Variants in SYNE2 observed in about 807,000 individuals in gnomAD.
The protein encoded by SYNE2 is spectrin repeat containing nuclear envelope protein 2, also known as nesprin-2.
A neutral mutation model predicts 856.3 loss-of-function variants in SYNE2; 431 were observed. The ratio of observed to expected loss-of-function variants is 0.50; its 90% CI spans 0.47 to 0.55. The LOEUF (loss-of-function observed/expected upper bound fraction) is 0.55, where lower values mean the gene tolerates loss of function less well. SYNE2 is among the 20% of genes least tolerant of loss of function. The pLI is 0.00. For missense variants in SYNE2, 8,129 were observed against 8,023.2 expected (o/e 1.01, Z -0.50); for synonymous variants, 2,923 against 2,872.3 (o/e 1.02, Z -0.56).
At chr14:63,994,964 C>G in intron 22 of SYNE2, 80 bp from the exon 23 acceptor site, 1 of 923,570 alleles carries the variant, frequency 1.1e-6, no homozygotes, top group Non-Finnish European at 1.6e-6. Flanking sequence ...TGTCACTACA[C>G]ATATATTTAT....
chr14:64,105,513 C>T (rs576051941), intron 64 of SYNE2, among the ~76,000 whole-genome samples: 24 of 152,168 alleles, frequency 1.6e-4, no homozygotes, highest in African/African-American at 5.8e-4. Flanking sequence ...GGTTTTATTC[C>T]CATTTTAAAG....
At chr14:64,045,858 A>G (rs373313208) in intron 45 of SYNE2, among the ~76,000 whole-genome samples, 2 of 152,216 alleles carry the variant, frequency 1.3e-5, no homozygotes, top group African/African-American at 4.8e-5. Flanking sequence ...ATAGTTTTAC[A>G]GTTACAGAGA....
intron 1 of SYNE2, among the ~76,000 whole-genome samples, chr14:63,887,064 C>A (rs538791337): frequency 6.6e-6 from 1 of 152,124 alleles, no homozygotes; most frequent in Non-Finnish European, 1.5e-5. Flanking sequence ...GGCTAGATCA[C>A]GAGGTCAAGA....
chr14:63,847,585 ATTTT>A (rs1194475873), intron 1 of SYNE2, among the ~76,000 whole-genome samples: 1 of 137,590 alleles, frequency 7.3e-6, no homozygotes, highest in Non-Finnish European at 1.6e-5. Context: ...TATGTTCTGT[ATTTT>A]TTTTTTTTTT....
In SYNE2 at chr14:63,805,189, A is replaced by G. The variant is rs1215880675; in HGVS notation, c.-305+43203A>G. On this transcript the variant is annotated intron_variant, in intron 1 of 23. Coordinates refer to the SYNE2 transcript ENST00000674003. ...GCCTCTGGCTTTGTTCTTTTTGCTT[A>G]GAATTGCTTTGGCTATTTGTGTTCT... Among the ~76,000 whole-genome samples the G allele has an allele frequency of 5.3e-5, 8 of 152,210 alleles. No individual in the cohort carries two copies. In the East Asian group the frequency reaches 1.5e-3, roughly 29 times the overall value.
rs112368235 is a variant in SYNE2, at chr14:63,933,294, C to T, written c.80-7320C>T. On this transcript the variant is annotated intron_variant, in intron 2 of 115. Transcript: ENST00000555002. Reference sequence around the variant, plus strand: ...TACCAGGGAGGACTCCTGGAGTCAGCATTTTAAACCAACTTTTGGGAAATG... The same window carrying T: ...TACCAGGGAGGACTCCTGGAGTCAGTATTTTAAACCAACTTTTGGGAAATG... 7.9e-5 allele frequency among the ~76,000 whole-genome samples: 12 copies of T among 152,260 alleles called. 1 individual carries two copies. Among genetic ancestry groups the T allele is most frequent in the African/African-American group, 2.4e-4 (10 of 41,550 alleles).
chr14:63,829,804 G>A (rs1595153073), intron 1 of SYNE2, among the ~76,000 whole-genome samples: 1 of 151,876 alleles, frequency 6.6e-6, no homozygotes, highest in East Asian at 1.9e-4. Context: ...TTTTGGGGTA[G>A]ACGGGGGTCT....
chr14:63,980,507 C>G (rs2096577432), intron 14 of SYNE2, 147 bp from the exon 15 acceptor site: 1 of 599,436 alleles, frequency 1.7e-6, no homozygotes, highest in African/African-American at 1.9e-5. Flanking sequence ...ATCCTTCTTC[C>G]TGTTTTCCTA....
At chr14:63,933,430 C>G (rs142432692) in intron 2 of SYNE2, among the ~76,000 whole-genome samples, 381 of 152,276 alleles carry the variant, frequency 2.5e-3, no homozygotes, top group African/African-American at 8.7e-3. Flanking sequence ...TCCCTTCTGG[C>G]TAAGGATATG....
intron 78 of SYNE2, among the ~76,000 whole-genome samples, chr14:64,134,708 G>A (rs1464040336): frequency 6.6e-6 from 1 of 152,130 alleles, no homozygotes; most frequent in Admixed American, 6.5e-5. Context: ...CGGACACGAT[G>A]GCTCACACCT....
intron 1 of SYNE2, among the ~76,000 whole-genome samples, chr14:63,803,253 G>A (rs996409035): frequency 3.9e-5 from 6 of 152,346 alleles, no homozygotes; most frequent in South Asian, 2.1e-4. Flanking sequence ...CCAGTCCAGC[G>A]CGGTGCGCTC....
chr14:64,224,833 TACTTCAGGTGACGTTTAATCTC>T lies in SYNE2; in HGVS notation c.20470-164_20470-143del, dbSNP rs2098711266. 5.2e-5 allele frequency: 39 copies of T among 753,558 alleles called. No homozygotes were observed. In the South Asian group the frequency reaches 6.0e-4, roughly 12 times the overall value. The allele number at this position is 753,558 out of a possible 1,614,324, so 46.7% of individuals were successfully genotyped here. ...TGAGTAGATTAACCTAATTATTTCCTACTTCAGGTGACGTTTAATCTCAATTGTATTACTCTAGTCTCCAAAG... is the reference window on the plus strand; with the variant it reads ...TGAGTAGATTAACCTAATTATTTCCTAATTGTATTACTCTAGTCTCCAAAG... On this transcript the variant is annotated intron_variant, in intron 114 of 115. Transcript: ENST00000555002.
At chr14:63,835,983 C>A (rs375753765) in intron 1 of SYNE2, among the ~76,000 whole-genome samples, 207 of 127,954 alleles carry the variant, frequency 1.6e-3, no homozygotes, top group South Asian at 1.9e-3. Flanking sequence ...AACTCTGTCT[C>A]AAAAAAAAAA....
At position 63,995,208 on chromosome 14, in the gene SYNE2, A is replaced by T; in HGVS notation, c.2940+6A>T. ...GTCTCATCAAAGAACATGAGGTACA[A>T]TAAAGTGTTTCCACTTAAATTTTGT... is the stretch of plus-strand genomic sequence containing the variant. On this transcript the variant is annotated splice_donor_region_variant and intron_variant, in intron 23 of 115. Coordinates refer to ENST00000555002, the MANE Select transcript of SYNE2 (RefSeq NM_182914.3). 1 of 1,603,790 alleles carries T rather than the reference A, an allele frequency of 6.2e-7. No individual in the cohort carries two copies. The highest frequency in any genetic ancestry group is 1.7e-4 in the Middle Eastern group (1 of 6,016).
At chr14:64,196,520 C>CAA (rs1453249081) in intron 99 of SYNE2, among the ~76,000 whole-genome samples, 1 of 152,076 alleles carries the variant, frequency 6.6e-6, no homozygotes, top group African/African-American at 2.4e-5. Flanking sequence ...TGTTCAGGAC[C>CAA]AAAAGGGCAG....
intron 7 of SYNE2, among the ~76,000 whole-genome samples, chr14:63,952,483 C>T (rs2096177955): frequency 6.6e-6 from 1 of 152,184 alleles, no homozygotes; most frequent in African/African-American, 2.4e-5. Flanking sequence ...TACTTTTGCA[C>T]CCACCTAATG....
intron 13 of SYNE2, among the ~76,000 whole-genome samples, chr14:63,978,606 A>T (rs887178558): frequency 3.9e-5 from 6 of 152,204 alleles, no homozygotes; most frequent in Admixed American, 2.0e-4. Context: ...AGGATTTGTC[A>T]GTCGGAGAAT....
chr14:64,165,191 AC>A, intron 89 of SYNE2, 93 bp from the exon 90 acceptor site: 2 of 1,405,360 alleles, frequency 1.4e-6, no homozygotes, highest in Non-Finnish European at 2.0e-6. Context: ...CTAGCCAAAA[AC>A]ATCTTGAATT....
chr14:64,035,369 A>T (rs953867668), intron 45 of SYNE2, among the ~76,000 whole-genome samples: 2 of 152,116 alleles, frequency 1.3e-5, no homozygotes, highest in African/African-American at 4.8e-5. Flanking sequence ...AAAAAAAGTT[A>T]TAACAGAGCA....
Sources: allele counts gnomAD v4.1 joint callset (sites outside exome capture counted in the v4.1 genomes callset), GRCh38; gene constraint gnomAD v4.1.1; transcripts MANE v1.5; gene names NCBI Gene and HGNC (gene_info 2026-07-23, HGNC 2026-07-21).